TYW1: variants seen among roughly 807,000 people sequenced by gnomAD.
TYW1 encodes the protein tRNA-yW synthesizing protein 1 homolog, also known as S-adenosyl-L-methionine-dependent tRNA 4-demethylwyosine synthase TYW1.
TYW1 carries 46 observed loss-of-function variants against 96.2 expected under a neutral mutation model. That is an observed-to-expected ratio of 0.48 (90% CI 0.38 to 0.61). TYW1 has a LOEUF of 0.61. Ranked by LOEUF, TYW1 falls within the 20% of genes least tolerant of loss-of-function variation. The pLI, the probability that TYW1 is intolerant of heterozygous loss-of-function variation, is 0.00. For synonymous variants in TYW1, 274 were observed against 323.0 expected, an observed-to-expected ratio of 0.85 and a Z score of 1.63; for missense variants, 684 against 909.6, an observed-to-expected ratio of 0.75 and a Z score of 3.19.
At chr7:67,007,269 T>C (rs1584455167) in intron 3 of TYW1, among the ~76,000 whole-genome samples, 2 of 152,114 alleles carry the variant, frequency 1.3e-5, no homozygotes, top group Non-Finnish European at 2.9e-5. Flanking sequence ...ACCAAATTCT[T>C]CTAGCTTAAT....
chr7:67,158,376 C>T (rs1278067723), intron 13 of TYW1, among the ~76,000 whole-genome samples: 1 of 152,052 alleles, frequency 6.6e-6, no homozygotes, highest in Non-Finnish European at 1.5e-5. Flanking sequence ...GCGTGAGCCA[C>T]CATGCCTGGC....
At chr7:67,215,896 T>G (rs934797964) in intron 15 of TYW1, among the ~76,000 whole-genome samples, 3 of 152,202 alleles carry the variant, frequency 2.0e-5, no homozygotes, top group Admixed American at 1.3e-4. Context: ...CTGATTAAAT[T>G]GTGCCCACCA....
At chr7:67,011,511 C>T (rs1413377097) in intron 4 of TYW1, among the ~76,000 whole-genome samples, 1 of 152,208 alleles carries the variant, frequency 6.6e-6, no homozygotes, top group Non-Finnish European at 1.5e-5. Context: ...TGCAGAATCT[C>T]AGGTCTTAGC....
intron 15 of TYW1, among the ~76,000 whole-genome samples, chr7:67,236,466 C>G (rs201019431): frequency 6.6e-6 from 1 of 152,166 alleles, no homozygotes; most frequent in African/African-American, 2.4e-5. Flanking sequence ...GTGGTGTGAG[C>G]GGCCAGGGAA....
intron 8 of TYW1, among the ~76,000 whole-genome samples, chr7:67,050,850 C>G (rs1795331200): frequency 6.6e-6 from 1 of 151,910 alleles, no homozygotes; most frequent in Non-Finnish European, 1.5e-5. Flanking sequence ...TGTTTGCTTA[C>G]TAGCAATAAC....
intron 13 of TYW1, among the ~76,000 whole-genome samples, chr7:67,167,769 G>C (rs1799390580): frequency 1.3e-5 from 2 of 151,352 alleles, no homozygotes; most frequent in Non-Finnish European, 2.9e-5. Context: ...TTTATTGATT[G>C]ATTGAGACAG....
intron 13 of TYW1, among the ~76,000 whole-genome samples, chr7:67,132,501 G>T (rs558756468): frequency 6.6e-6 from 1 of 152,194 alleles, no homozygotes; most frequent in African/African-American, 2.4e-5. Flanking sequence ...ATATAATATT[G>T]TAACCCTATA....
At chr7:67,049,751 T>C (rs1048023516) in intron 7 of TYW1, among the ~76,000 whole-genome samples, 198 bp from the exon 8 acceptor site, 10 of 152,218 alleles carry the variant, frequency 6.6e-5, no homozygotes, top group Admixed American at 5.9e-4. Flanking sequence ...TTCACCATCT[T>C]GGCCGGGCTG....
chr7:67,219,845 GTTTTT>G (rs57991071), intron 15 of TYW1, among the ~76,000 whole-genome samples: 28,395 of 131,908 alleles, frequency 0.22, 3,308 homozygotes, highest in African/African-American at 0.35. Context: ...GGTTTTGTGG[GTTTTT>G]TTTTTTTTTT....
At chr7:67,047,459 G>A (rs1437209832) in intron 7 of TYW1, among the ~76,000 whole-genome samples, 1 of 152,100 alleles carries the variant, frequency 6.6e-6, no homozygotes, top group Non-Finnish European at 1.5e-5. Context: ...CTAGCATTAA[G>A]CTAATTACAT....
chr7:67,163,777 T>G (rs1799241088), intron 13 of TYW1, among the ~76,000 whole-genome samples: 1 of 151,992 alleles, frequency 6.6e-6, no homozygotes, highest in African/African-American at 2.4e-5. Context: ...CAAGTGATTC[T>G]CATGCCTCAG....
intron 8 of TYW1, among the ~76,000 whole-genome samples, chr7:67,052,397 T>G (rs1416283791): frequency 1.3e-5 from 2 of 152,234 alleles, no homozygotes; most frequent in African/African-American, 4.8e-5. Context: ...TGCTATGTTT[T>G]CAAGTTCAAT....
At chr7:67,079,165 G>T (rs1341468915) in intron 10 of TYW1, among the ~76,000 whole-genome samples, 14 of 75,944 alleles carry the variant, frequency 1.8e-4, no homozygotes, top group Admixed American at 1.4e-4. Context: ...AAGTATTCGT[G>T]TGAGAGGTGT....
At chr7:67,008,973 A>G (rs1284804589) in intron 3 of TYW1, among the ~76,000 whole-genome samples, 3 of 151,652 alleles carry the variant, frequency 2.0e-5, no homozygotes, top group Non-Finnish European at 4.4e-5. Context: ...ATTCTTCACT[A>G]TTTCTTTTTG....
intron 12 of TYW1, among the ~76,000 whole-genome samples, chr7:67,107,814 C>T (rs1057412472): frequency 2.0e-5 from 3 of 151,440 alleles, no homozygotes; most frequent in Non-Finnish European, 4.4e-5. Flanking sequence ...GATCCTCCCA[C>T]CCTGGCCTCC....
intron 15 of TYW1, among the ~76,000 whole-genome samples, chr7:67,231,612 T>G (rs1327088837): frequency 6.6e-6 from 1 of 152,186 alleles, no homozygotes; most frequent in Non-Finnish European, 1.5e-5. Context: ...CTGCTGTCTT[T>G]CAGCTTTCCT....
At chr7:67,093,508 G>A (rs1210719603) in intron 11 of TYW1, among the ~76,000 whole-genome samples, 1 of 152,152 alleles carries the variant, frequency 6.6e-6, no homozygotes, top group Non-Finnish European at 1.5e-5. Context: ...TGGAGTTCAG[G>A]TTCAACCTGC....
At chr7:67,190,598 T>C (rs554191321) in intron 14 of TYW1, among the ~76,000 whole-genome samples, 1 of 152,338 alleles carries the variant, frequency 6.6e-6, no homozygotes, top group South Asian at 2.1e-4. Context: ...AGTCCAGCTC[T>C]AGAGTTACTT....
chr7:67,236,954 C>T (rs539659831), intron 15 of TYW1, among the ~76,000 whole-genome samples: 3 of 152,220 alleles, frequency 2.0e-5, no homozygotes, highest in Non-Finnish European at 2.9e-5. Flanking sequence ...GGCACTGTCT[C>T]AGCTCACTGC....
Sources: allele counts gnomAD v4.1 joint callset (sites outside exome capture counted in the v4.1 genomes callset), GRCh38; gene constraint gnomAD v4.1.1; transcripts MANE v1.5; gene names NCBI Gene and HGNC (gene_info 2026-07-23, HGNC 2026-07-21).